The following STX12 variants were observed in gnomAD, a reference collection of about 807,000 sequenced individuals.
STX12 encodes syntaxin 12.
In STX12, 17 loss-of-function variants were observed where a neutral mutation model predicts 42.2. The ratio of observed to expected loss-of-function variants is 0.40; its 90% CI spans 0.28 to 0.60. The LOEUF (loss-of-function observed/expected upper bound fraction) is 0.60. STX12 is among the 20% of genes least tolerant of loss of function. The probability of loss-of-function intolerance (pLI) is 0.39; values close to 1 mark genes in which losing one functional copy is unlikely to be tolerated. For synonymous variants in STX12, 108 were observed against 116.7 expected (o/e 0.93, Z 0.48); for missense variants, 297 against 330.9 (o/e 0.90, Z 0.79).
At chr1:27,777,212 C>T (rs1000021133) in intron 1 of STX12, among the ~76,000 whole-genome samples, 3 of 152,020 alleles carry the variant, frequency 2.0e-5, no homozygotes. Flanking sequence ...AGGGTGGGTG[C>T]ATTATTTTAG....
chr1:27,794,925 G>A (rs1337130331), intron 3 of STX12, among the ~76,000 whole-genome samples: 5 of 151,852 alleles, frequency 3.3e-5, no homozygotes, highest in African/African-American at 7.3e-5. Context: ...GTCTTGCTAT[G>A]TTTTCCAGGC....
chr1:27,779,251 G>C (rs1298525228), intron 1 of STX12, among the ~76,000 whole-genome samples: 1 of 151,714 alleles, frequency 6.6e-6, no homozygotes, highest in African/African-American at 2.4e-5. Context: ...CTAAAGTCCT[G>C]TTTTTATTAT....
At chr1:27,777,654 A>G (rs919701159) in intron 1 of STX12, among the ~76,000 whole-genome samples, 9 of 152,286 alleles carry the variant, frequency 5.9e-5, no homozygotes, top group Admixed American at 5.9e-4. Flanking sequence ...TGGGAGGCTG[A>G]GGCAGGCGGA....
At chr1:27,790,541 A>G (rs1410662530) in intron 2 of STX12, among the ~76,000 whole-genome samples, 2 of 152,162 alleles carry the variant, frequency 1.3e-5, no homozygotes, top group Non-Finnish European at 2.9e-5. Flanking sequence ...GCATTTTACA[A>G]TCCTCCTGTG....
chr1:27,774,697 C>G (rs937317173), intron 1 of STX12, among the ~76,000 whole-genome samples: 1 of 151,688 alleles, frequency 6.6e-6, no homozygotes, highest in Admixed American at 6.6e-5. Context: ...TTTATTTTTT[C>G]GAGACAGAGT....
chr1:27,812,344 T>C (rs2088908855), intron 6 of STX12, 76 bp downstream of exon 6: 1 of 1,080,126 alleles, frequency 9.3e-7, no homozygotes, highest in Admixed American at 2.3e-5. Context: ...ACTTTAATTC[T>C]CTTAGTGATT....
intron 7 of STX12, 196 bp downstream of exon 7, chr1:27,818,119 A>G: frequency 1.9e-6 from 1 of 516,472 alleles, no homozygotes. Context: ...GTGGTGGCTC[A>G]GGCCTGTAAT....
rs924239804 is a variant in STX12, at chr1:27,822,168, A to C, written c.733-63A>C. ...AGGCAGATTTATGAAGCATTCTTAG[A>C]GTCTTACACATACAAATTTTACTTG... On this transcript the variant is annotated intron_variant, in intron 8 of 8. Transcript: ENST00000373943. The C allele has an allele frequency of 7.3e-6, 7 of 963,206 alleles. No individual in the cohort carries two copies. In the Admixed American group the frequency reaches 1.0e-4, roughly 14 times the overall value. 59.7% of individuals were successfully genotyped at this position (963,206 alleles called of 1,614,324 possible). A position where few individuals can be genotyped will look rare whatever the true frequency, so the allele number is the denominator to read the frequency against.
intron 1 of STX12, among the ~76,000 whole-genome samples, chr1:27,786,165 G>GC (rs1426187373): frequency 6.6e-6 from 1 of 152,110 alleles, no homozygotes; most frequent in Non-Finnish European, 1.5e-5. Context: ...TGTTTGCAAG[G>GC]CCCTATACAA....
At chr1:27,786,454 T>A (rs2148598508) in intron 1 of STX12, among the ~76,000 whole-genome samples, 1 of 152,166 alleles carries the variant, frequency 6.6e-6, no homozygotes, top group East Asian at 1.9e-4. Flanking sequence ...CTGAATTTAT[T>A]TCTTTTTATA....
chr1:27,811,629 G>A (rs2088904244), intron 5 of STX12, among the ~76,000 whole-genome samples: 1 of 151,560 alleles, frequency 6.6e-6, no homozygotes, highest in African/African-American at 2.4e-5. Context: ...GAGCCACCGC[G>A]CCTGGCCTGT....
At chr1:27,811,941 A>G in intron 5 of STX12, 1 of 620,682 alleles carries the variant, frequency 1.6e-6, no homozygotes, top group Non-Finnish European at 3.1e-6. Flanking sequence ...ATTCTGCCAC[A>G]TGTCAGCTTT....
intron 1 of STX12, among the ~76,000 whole-genome samples, chr1:27,781,132 C>T (rs1424603482): frequency 6.6e-6 from 1 of 152,126 alleles, no homozygotes; most frequent in Non-Finnish European, 1.5e-5. Flanking sequence ...CAACCTCTGC[C>T]TCCCGGGGTT....
At chr1:27,796,450 C>T (rs1324316775) in intron 3 of STX12, among the ~76,000 whole-genome samples, 5 of 152,252 alleles carry the variant, frequency 3.3e-5, no homozygotes, top group African/African-American at 9.6e-5. Context: ...GTGGCGCAGT[C>T]GTGGCTCGCT....
intron 6 of STX12, among the ~76,000 whole-genome samples, chr1:27,816,246 G>C (rs931167889): frequency 6.6e-6 from 1 of 151,942 alleles, no homozygotes; most frequent in Non-Finnish European, 1.5e-5. Context: ...CCCAGGAGGC[G>C]GAAGTTGCAG....
At chr1:27,807,763 G>A (rs1213571005) in intron 4 of STX12, among the ~76,000 whole-genome samples, 1 of 152,178 alleles carries the variant, frequency 6.6e-6, no homozygotes, top group Non-Finnish European at 1.5e-5. Flanking sequence ...GTTTGTAGTA[G>A]TCAAAAATTG....
intron 5 of STX12, 64 bp from the exon 6 acceptor site, chr1:27,812,099 T>C: frequency 7.6e-7 from 1 of 1,322,720 alleles, no homozygotes; most frequent in South Asian, 1.3e-5. Flanking sequence ...AGTAGAGATG[T>C]TGGAGATATG....
At chr1:27,813,519 G>T (rs1260844854) in intron 6 of STX12, among the ~76,000 whole-genome samples, 1 of 152,146 alleles carries the variant, frequency 6.6e-6, no homozygotes, top group Non-Finnish European at 1.5e-5. Flanking sequence ...AGTTTTCTCC[G>T]AAGGTAGAAG....
At chr1:27,794,047 C>T (rs1334136307) in intron 3 of STX12, among the ~76,000 whole-genome samples, 1 of 150,112 alleles carries the variant, frequency 6.7e-6, no homozygotes, top group Non-Finnish European at 1.5e-5. Flanking sequence ...GTTTTGGAGA[C>T]AGGGTCTCCC....
Sources: gnomAD v4.1 joint callset for allele counts (sites outside exome capture counted in the v4.1 genomes callset) on GRCh38, gnomAD v4.1.1 for gene constraint, MANE v1.5 for transcripts, NCBI Gene and HGNC (gene_info 2026-07-23, HGNC 2026-07-21) for gene names.